Variants in ASPM observed in about 807,000 individuals in gnomAD.
ASPM encodes assembly factor for spindle microtubules, also known as abnormal spindle-like microcephaly-associated protein.
In ASPM, 256 loss-of-function variants were observed where a neutral mutation model predicts 366.4. The ratio of observed to expected loss-of-function variants is 0.70; its 90% CI spans 0.63 to 0.77. The LOEUF (loss-of-function observed/expected upper bound fraction) is 0.77. ASPM is among the 30% of genes least tolerant of loss of function. The probability of loss-of-function intolerance (pLI) is 0.00; values close to 1 mark genes in which losing one functional copy is unlikely to be tolerated. For synonymous variants in ASPM, 1,414 were observed against 1,342.9 expected (o/e 1.05, Z -1.16); for missense variants, 4,146 against 4,090.4 (o/e 1.01, Z -0.37).
In ASPM at chr1:197,146,512, T is replaced by C; in HGVS notation, c.-75A>G. On this transcript the variant is annotated 5_prime_UTR_variant, in exon 1 of 28. Transcript: ENST00000367409. ...GGCTCCGGAGCGGGGATCCGGGACTTACGCTGACCGCTTCCCCTCAGGGGC... is the reference window on the plus strand; with the variant it reads ...GGCTCCGGAGCGGGGATCCGGGACTCACGCTGACCGCTTCCCCTCAGGGGC... 1 of 1,536,148 alleles carries C rather than the reference T, an allele frequency of 6.5e-7. No individual in the cohort carries two copies. The highest frequency in any genetic ancestry group is 2.3e-5 in the East Asian group (1 of 43,914).
chr1:197,145,794 TTA>T (rs991316395), intron 1 of ASPM, among the ~76,000 whole-genome samples: 23 of 151,500 alleles, frequency 1.5e-4, no homozygotes, highest in African/African-American at 5.1e-4. Flanking sequence ...GCGCGCGCGT[TTA>T]TGTGTTGTCC....
chr1:197,097,271 G>A (rs1172287763), intron 18 of ASPM, among the ~76,000 whole-genome samples: 1 of 151,660 alleles, frequency 6.6e-6, no homozygotes, highest in Non-Finnish European at 1.5e-5. Flanking sequence ...ATAATGTAAT[G>A]CATCTCTTAC....
chr1:197,106,168 T>G (rs756311311), intron 17 of ASPM, among the ~76,000 whole-genome samples: 4 of 151,976 alleles, frequency 2.6e-5, no homozygotes, highest in Non-Finnish European at 5.9e-5. Flanking sequence ...AAGGAGAACA[T>G]GCACATCCCT....
At chr1:197,117,554 A>G (rs930572370) in intron 17 of ASPM, among the ~76,000 whole-genome samples, 1 of 152,132 alleles carries the variant, frequency 6.6e-6, no homozygotes, top group Non-Finnish European at 1.5e-5. Flanking sequence ...CAAAGAAGAG[A>G]GCAACAGGTA....
chr1:197,098,318 G>A (rs974551054), intron 18 of ASPM, among the ~76,000 whole-genome samples: 3 of 151,560 alleles, frequency 2.0e-5, no homozygotes, highest in African/African-American at 7.2e-5. Context: ...CAAATCCCAC[G>A]CTTGTGTTGC....
chr1:197,133,633 C>G (rs200268423), intron 5 of ASPM, 38 bp from the exon 6 acceptor site: 2 of 1,597,982 alleles, frequency 1.3e-6, no homozygotes, highest in Admixed American at 1.7e-5. Context: ...TCTGGTTAAA[C>G]AATATCTCTA....
intron 18 of ASPM, among the ~76,000 whole-genome samples, chr1:197,098,732 AG>A (rs2125092307): frequency 6.6e-6 from 1 of 151,702 alleles, no homozygotes; most frequent in African/African-American, 2.4e-5. Context: ...GATGTTCTTC[AG>A]GGCTCAAGTC....
chr1:197,115,842 T>C (rs1022622380), intron 17 of ASPM, among the ~76,000 whole-genome samples: 2 of 152,156 alleles, frequency 1.3e-5, no homozygotes, highest in East Asian at 1.9e-4. Flanking sequence ...AGTCAGAGTA[T>C]ATTTAGCATA....
At chr1:197,089,081 AAC>A (rs1656692087) in intron 25 of ASPM, among the ~76,000 whole-genome samples, 1 of 152,008 alleles carries the variant, frequency 6.6e-6, no homozygotes, top group African/African-American at 2.4e-5. Context: ...TGTGTATAGT[AAC>A]AGTTTTGAGT....
At chr1:197,121,820 T>C in intron 16 of ASPM, 95 bp downstream of exon 16, 2 of 1,418,878 alleles carry the variant, frequency 1.4e-6, no homozygotes, top group South Asian at 1.2e-5. Context: ...AATAATGCCA[T>C]ACATCCATAA....
At position 197,104,144 on chromosome 1, in the gene ASPM, C is replaced by A; in HGVS notation, c.5107G>T (p.Ala1703Ser). 6.2e-7 allele frequency: 1 copy of A among 1,612,828 alleles called. No individual in the cohort carries two copies. Among genetic ancestry groups the A allele is most frequent in the African/African-American group, 1.3e-5 (1 of 74,928 alleles). Residue 1703 changes from alanine to serine, a missense_variant, in exon 18 of 28, where the codon GCA becomes TCA. Around this residue, in one of 3 missense-constraint regions of ASPM, gnomAD observed 3,624 missense variants for 3,591.7 expected, o/e 1.01. Transcript: ENST00000367409. The part of the protein sequence containing the change: ...QTRKQYLHLR[A>S]AALFIQQCYR... ...CATTGCTGGATAAATAGTGCAGCTG[C>A]TCTTAAATGCAAATATTGTTTACGT...
At chr1:197,087,177 C>T (rs180769803) in intron 26 of ASPM, among the ~76,000 whole-genome samples, 53 of 152,172 alleles carry the variant, frequency 3.5e-4, no homozygotes, top group Admixed American at 2.9e-3. Flanking sequence ...CGGGTTCACG[C>T]CATTCTCCTG....
In ASPM at chr1:197,089,984, A is replaced by T. The variant is rs775735440; in HGVS notation, c.9930T>A (p.Ile3310=). The stretch of plus-strand genomic sequence containing the variant: ...CATATCTGATGACTTCCATACAAGG[A>T]ATACTGCGATTACAACTTCGGATCA... ...FVLIRSCNRS[I]PCMEVIRYAV... Residue 3310 remains isoleucine (I), a synonymous_variant, in exon 25 of 28, where the codon ATT becomes ATA. Coordinates refer to ENST00000367409, the MANE Select transcript of ASPM (RefSeq NM_018136.5). 6.2e-7 allele frequency: 1 copy of T among 1,613,504 alleles called. No individual in the cohort carries two copies. Among genetic ancestry groups the T allele is most frequent in the South Asian group, 1.1e-5 (1 of 91,076 alleles).
Position 197,122,399 on chromosome 1 carries a change from G to A in ASPM, c.3587C>T (p.Ala1196Val). 6.2e-7 allele frequency: 1 copy of A among 1,613,674 alleles called. No homozygotes were observed. Among genetic ancestry groups the A allele is most frequent in the Non-Finnish European group, 8.5e-7 (1 of 1,179,698 alleles). The change falls in exon 14 of 28, where the codon GCA (alanine) becomes GTA (valine). Residue 1196 changes from alanine to valine, a missense_variant. By Grantham distance (64) the Ala-to-Val change is moderately conservative. Around this residue, in one of 3 missense-constraint regions of ASPM, gnomAD observed 3,624 missense variants for 3,591.7 expected, o/e 1.01. Coordinates refer to ENST00000367409, the MANE Select transcript of ASPM (RefSeq NM_018136.5). ...DDSSLDMSLK[A>V]FDHENTSELY... Reference sequence around the variant, plus strand: ...CAAAAGGGACTAACCATGATCAAATGCTTTAAGAGACATATCCAGAGAACT... The same window carrying A: ...CAAAAGGGACTAACCATGATCAAATACTTTAAGAGACATATCCAGAGAACT...
intron 27 of ASPM, among the ~76,000 whole-genome samples, chr1:197,085,190 A>G (rs1656549912): frequency 1.3e-5 from 2 of 152,324 alleles, no homozygotes; most frequent in East Asian, 3.9e-4. Context: ...TGCCTTCTCC[A>G]TTCCTATACA....
At position 197,101,665 on chromosome 1, in the gene ASPM, CTGATA is replaced by C. The variant is rs765530357; in HGVS notation, c.7581_7585del (p.Tyr2527Ter). On this transcript the variant is annotated stop_gained and frameshift_variant, in exon 18 of 28. Transcript: ENST00000367409. LOFTEE classifies it high-confidence loss of function. ...AATAACCACAGCAGAATGCCATTGT[CTGATA>C]TAATTTTCTCTTTGTAATTTTGCAG... The C allele has an allele frequency of 4.3e-6, 7 of 1,612,140 alleles. No individual in the cohort carries two copies. The highest frequency in any genetic ancestry group is 1.7e-5 in the Admixed American group (1 of 59,764).
chr1:197,118,056 C>G, intron 16 of ASPM, 73 bp from the exon 17 acceptor site: 1 of 1,398,756 alleles, frequency 7.1e-7, no homozygotes, highest in Non-Finnish European at 1.0e-6. Context: ...GTAAGATAAC[C>G]ATATGTTAAA....
chr1:197,094,109 G>A lies in ASPM; in HGVS notation c.9059C>T (p.Ala3020Val). ...TTTTATCATTAAGAAGTGTTCATGA[G>A]CTATCTTTGCAGGAAGTATAGCTCT... The part of the protein sequence containing the change: ...KWRAILPAKI[A>V]HEHFLMIKRH... Residue 3020 changes from alanine (A) to valine (V), a missense_variant, in exon 20 of 28, where the codon GCT (alanine) becomes GTT (valine). Physicochemically the swap from Ala to Val is moderately conservative, Grantham distance 64. Coordinates refer to ENST00000367409, the MANE Select transcript of ASPM (RefSeq NM_018136.5). 2 of 1,602,386 alleles carry A rather than the reference G, an allele frequency of 1.2e-6. No individual in the cohort carries two copies. The highest frequency in any genetic ancestry group is 1.7e-6 in the Non-Finnish European group (2 of 1,172,084).
chr1:197,096,301 T>C, intron 18 of ASPM, 137 bp from the exon 19 acceptor site: 1 of 757,344 alleles, frequency 1.3e-6, no homozygotes, highest in Non-Finnish European at 2.2e-6. Flanking sequence ...CATGACTCTT[T>C]TAGACTTTGA....
Sources: gnomAD v4.1 joint callset for allele counts (sites outside exome capture counted in the v4.1 genomes callset) on GRCh38, gnomAD v4.1.1 for gene constraint, gnomAD v4.1.1 regional missense constraint, MANE v1.5 for transcripts, NCBI Gene and HGNC (gene_info 2026-07-23, HGNC 2026-07-21) for gene names.